Variants in MACROD1 observed in about 807,000 individuals in gnomAD.
MACROD1 encodes ADP-ribose glycohydrolase MACROD1.
Under a neutral mutation model 41.4 loss-of-function variants are expected in MACROD1, and 31 were observed. The observed-to-expected ratio is 0.75, with a 90% CI of 0.56 to 1.01. MACROD1 has a LOEUF of 1.01. Ranked by LOEUF, MACROD1 falls within the 50% of genes least tolerant of loss-of-function variation. The pLI is 0.00. For synonymous variants in MACROD1, 252 were observed against 203.4 expected (o/e 1.24, Z -2.03); for missense variants, 473 against 460.0 (o/e 1.03, Z -0.26).
At chr11:64,078,762 A>C (rs1944249912) in intron 3 of MACROD1, among the ~76,000 whole-genome samples, 1 of 152,024 alleles carries the variant, frequency 6.6e-6, no homozygotes, top group Non-Finnish European at 1.5e-5. Flanking sequence ...GGCCACAAGG[A>C]AACCCAAAAG....
rs548999037 is a variant in MACROD1, at chr11:63,998,968, G to A, written c.960C>T (p.His320=). ...CGGGGCACGTACCCACGGGGAAGTA[G>A]TGGGGGAGCCGGCTCCGGTAGATGT... is the stretch of plus-strand genomic sequence containing the variant. ...DEDIYRSRLP[H]YFPVA Residue 320 remains histidine, a synonymous_variant, in exon 9 of 11, where the codon CAC becomes CAT. Transcript: ENST00000255681. The A allele has an allele frequency of 3.3e-5, 53 of 1,605,314 alleles. No individual in the cohort carries two copies. The African/African-American group carries it at 6.7e-4, about 20-fold the overall frequency.
At chr11:64,022,065 G>A (rs1289523212) in intron 3 of MACROD1, among the ~76,000 whole-genome samples, 1 of 151,578 alleles carries the variant, frequency 6.6e-6, no homozygotes, top group Non-Finnish European at 1.5e-5. Context: ...CAAAGGCCTT[G>A]AGACCTCAGG....
chr11:64,037,080 T>G (rs1394052696), intron 3 of MACROD1, among the ~76,000 whole-genome samples: 1 of 151,482 alleles, frequency 6.6e-6, no homozygotes, highest in Non-Finnish European at 1.5e-5. Flanking sequence ...AGCTGGGGTG[T>G]GCCAGGCCCC....
intron 3 of MACROD1, among the ~76,000 whole-genome samples, chr11:64,113,498 T>C (rs1272027996): frequency 1.7e-5 from 2 of 117,010 alleles, no homozygotes; most frequent in African/African-American, 3.4e-5. Context: ...GGATGGATGG[T>C]TGGATGGATG....
At position 64,129,053 on chromosome 11, in the gene MACROD1, C is replaced by T. The variant is rs530164437; in HGVS notation, c.517+22186G>A. ...ACCTCACCCTCCCCACGTGTGGCAG[C>T]GCCACAAATCTGGGGACACCTGTGG... On this transcript the variant is annotated intron_variant, in intron 3 of 10. Coordinates refer to ENST00000255681, the MANE Select transcript of MACROD1 (RefSeq NM_014067.4). Among the ~76,000 whole-genome samples, 10 of 152,358 alleles carry T rather than the reference C, an allele frequency of 6.6e-5. 1 individual carries two copies. In the South Asian group the frequency reaches 1.0e-3, roughly 16 times the overall value.
chr11:64,065,452 G>A (rs981466949), intron 3 of MACROD1, among the ~76,000 whole-genome samples: 1 of 152,192 alleles, frequency 6.6e-6, no homozygotes, highest in Non-Finnish European at 1.5e-5. Context: ...GCTCCAGAGA[G>A]CCTGGCAGGG....
intron 3 of MACROD1, among the ~76,000 whole-genome samples, chr11:64,077,837 G>C (rs1490589487): frequency 6.6e-6 from 1 of 152,238 alleles, no homozygotes; most frequent in East Asian, 1.9e-4. Context: ...GTCTCCTTTG[G>C]CTATGGGTGG....
chr11:64,043,866 C>T (rs1353379870), intron 3 of MACROD1, among the ~76,000 whole-genome samples: 1 of 149,878 alleles, frequency 6.7e-6, no homozygotes, highest in Non-Finnish European at 1.5e-5. Context: ...GACTGGAGTG[C>T]GATGGTGCAA....
At chr11:64,055,137 C>T (rs1168598378) in intron 3 of MACROD1, among the ~76,000 whole-genome samples, 1 of 152,210 alleles carries the variant, frequency 6.6e-6, no homozygotes, top group African/African-American at 2.4e-5. Flanking sequence ...CAGCCCTGGG[C>T]TTTAGTTGTC....
At chr11:64,164,369 G>A (rs1294091267) in intron 1 of MACROD1, among the ~76,000 whole-genome samples, 2 of 152,254 alleles carry the variant, frequency 1.3e-5, no homozygotes, top group Non-Finnish European at 2.9e-5. Context: ...AAAAACAGCG[G>A]CAGCCCTCGA....
intron 3 of MACROD1, among the ~76,000 whole-genome samples, chr11:64,130,995 T>TAAA (rs1945257620): frequency 6.6e-6 from 1 of 152,268 alleles, no homozygotes; most frequent in South Asian, 2.1e-4. Context: ...ATGGGCTTAT[T>TAAA]AAAACCACAG....
At chr11:64,078,655 T>G (rs1166463237) in intron 3 of MACROD1, among the ~76,000 whole-genome samples, 6 of 152,122 alleles carry the variant, frequency 3.9e-5, no homozygotes, top group African/African-American at 7.2e-5. Context: ...ATCCTTGTCC[T>G]ACAAATATGT....
At chr11:64,051,291 G>A (rs1590840982) in intron 3 of MACROD1, among the ~76,000 whole-genome samples, 1 of 152,220 alleles carries the variant, frequency 6.6e-6, no homozygotes. Flanking sequence ...TCCCTCTTTT[G>A]AAGTAGCTCT....
At chr11:64,095,715 A>G (rs558292585) in intron 3 of MACROD1, among the ~76,000 whole-genome samples, 1 of 152,352 alleles carries the variant, frequency 6.6e-6, no homozygotes, top group East Asian at 1.9e-4. Context: ...GGGTTTCTAG[A>G]TGCAGCAGGC....
At chr11:64,099,697 G>A (rs564578977) in intron 3 of MACROD1, among the ~76,000 whole-genome samples, 1 of 151,346 alleles carries the variant, frequency 6.6e-6, no homozygotes, top group Non-Finnish European at 1.5e-5. Flanking sequence ...GATGGATGAA[G>A]AGTTGGAAGG....
chr11:64,121,140 C>T (rs1196252263), intron 3 of MACROD1, among the ~76,000 whole-genome samples: 5 of 152,142 alleles, frequency 3.3e-5, no homozygotes, highest in Non-Finnish European at 5.9e-5. Context: ...CCACGCCCTC[C>T]GAGACAAGGC....
Position 64,114,254 on chromosome 11 carries a change from A to ACGT in MACROD1, c.517+36984_517+36985insACG, listed in dbSNP as rs1201621515. On this transcript the variant is annotated intron_variant, in intron 3 of 10. Transcript: ENST00000255681. ...TGGATGCATGGATGAATGGATGGTT[A>ACGT]GGTGGATGGATGGATGGATGGATGG... Among the ~76,000 whole-genome samples the ACGT allele has an allele frequency of 8.2e-5, 5 of 61,050 alleles. No homozygotes were observed. In the Admixed American group the frequency reaches 8.6e-4, roughly 10 times the overall value. The allele number at this position is 61,050 out of a possible 152,430, so 40.1% of individuals were successfully genotyped here. A position where few individuals can be genotyped will look rare whatever the true frequency, so the allele number is the denominator to read the frequency against.
intron 4 of MACROD1, among the ~76,000 whole-genome samples, chr11:64,004,165 A>G (rs1023617025): frequency 6.6e-6 from 1 of 152,174 alleles, no homozygotes; most frequent in Non-Finnish European, 1.5e-5. Context: ...CTCCACGGCC[A>G]GCATTCAGCC....
chr11:64,122,878 A>C lies in MACROD1; in HGVS notation c.517+28361T>G, dbSNP rs1590942289. ...CTCGGAACCTGTGCCTCCCTCCTTC[A>C]CCTCCGGCCCTGGAGCCAAGGAGCC... On this transcript the variant is annotated intron_variant, in intron 3 of 10. Transcript: ENST00000255681. The surrounding 1 kb of genome is among the most constrained non-coding windows in gnomAD (Gnocchi z 4.0). Among the ~76,000 whole-genome samples, 1 of 151,944 alleles carries C rather than the reference A, an allele frequency of 6.6e-6. No homozygotes were observed. The highest frequency in any genetic ancestry group is 2.4e-5 in the African/African-American group (1 of 41,358).
Sources: gnomAD v4.1 joint callset for allele counts (sites outside exome capture counted in the v4.1 genomes callset) on GRCh38, gnomAD v4.1.1 for gene constraint, Gnocchi (gnomAD v3.1) non-coding constraint, MANE v1.5 for transcripts, NCBI Gene and HGNC (gene_info 2026-07-23, HGNC 2026-07-21) for gene names.